CPA6: variants seen among roughly 807,000 people sequenced by gnomAD.
CPA6 encodes carboxypeptidase A6.
Under a neutral mutation model 63.3 loss-of-function variants are expected in CPA6, and 58 were observed. That is an observed-to-expected ratio of 0.92 (90% CI 0.74 to 1.14). The LOEUF (loss-of-function observed/expected upper bound fraction) is 1.14. Ranked by LOEUF, CPA6 falls within the 50% of genes most tolerant of loss-of-function variation. CPA6 has a pLI of 0.00. For missense variants in CPA6, 565 were observed against 526.6 expected, an observed-to-expected ratio of 1.07 and a Z score of -0.71; for synonymous variants, 185 against 179.0, an observed-to-expected ratio of 1.03 and a Z score of -0.27.
intron 2 of CPA6, among the ~76,000 whole-genome samples, chr8:67,621,664 T>C (rs1253674777): frequency 6.6e-6 from 1 of 152,210 alleles, no homozygotes; most frequent in African/African-American, 2.4e-5. Flanking sequence ...CATGTAGCAT[T>C]GTGGCTGAGA....
chr8:67,647,602 TC>T (rs1012309511), intron 1 of CPA6, among the ~76,000 whole-genome samples: 2 of 152,178 alleles, frequency 1.3e-5, no homozygotes, highest in African/African-American at 4.8e-5. Context: ...CTTCCCTGAC[TC>T]CTGTCTCTCA....
intron 1 of CPA6, among the ~76,000 whole-genome samples, chr8:67,726,755 G>A (rs931873045): frequency 6.6e-6 from 1 of 152,198 alleles, no homozygotes; most frequent in African/African-American, 2.4e-5. Context: ...TAAGCCGAAA[G>A]GCCTCGAGCA....
At chr8:67,472,392 T>C (rs1364951497) in intron 8 of CPA6, among the ~76,000 whole-genome samples, 2 of 132,436 alleles carry the variant, frequency 1.5e-5, no homozygotes, top group Non-Finnish European at 3.1e-5. Flanking sequence ...TTTATTTTAT[T>C]TTATTTTATT....
At chr8:67,500,386 G>A (rs1487663836) in intron 6 of CPA6, among the ~76,000 whole-genome samples, 1 of 151,908 alleles carries the variant, frequency 6.6e-6, no homozygotes, top group African/African-American at 2.4e-5. Flanking sequence ...TCATTGGATT[G>A]CTTGCTTTTT....
In CPA6 at chr8:67,444,116, G is replaced by C. The variant is rs558119401; in HGVS notation, c.839-9876C>G. Among the ~76,000 whole-genome samples the C allele has an allele frequency of 7.3e-4, 111 of 151,108 alleles. 1 individual carries two copies. Among genetic ancestry groups the C allele is most frequent in the Non-Finnish European group, 5.2e-4 (35 of 67,820 alleles). ...ACGCCATTCTCCTGCCTCAGCCTCC[G>C]GAGTAGCTGGGATTACAGGCACCCG... On this transcript the variant is annotated intron_variant, in intron 8 of 10. Coordinates refer to ENST00000297770, the MANE Select transcript of CPA6 (RefSeq NM_020361.5).
intron 2 of CPA6, among the ~76,000 whole-genome samples, chr8:67,521,820 G>T (rs1314478272): frequency 2.0e-5 from 3 of 152,202 alleles, no homozygotes; most frequent in African/African-American, 7.2e-5. Flanking sequence ...TAGTGGTGAT[G>T]AATTCCATGG....
At chr8:67,567,512 T>C (rs1415321103) in intron 2 of CPA6, among the ~76,000 whole-genome samples, 1 of 152,226 alleles carries the variant, frequency 6.6e-6, no homozygotes, top group Non-Finnish European at 1.5e-5. Flanking sequence ...GTAATGCTTT[T>C]TGTCTGGAGG....
chr8:67,478,945 C>T (rs1475297037), intron 8 of CPA6, among the ~76,000 whole-genome samples: 3 of 152,126 alleles, frequency 2.0e-5, no homozygotes, highest in African/African-American at 4.8e-5. Flanking sequence ...CGCTTGAACC[C>T]GGGAGGCAGA....
chr8:67,584,495 C>T (rs190674145), intron 2 of CPA6, among the ~76,000 whole-genome samples: 5 of 152,184 alleles, frequency 3.3e-5, no homozygotes, highest in South Asian at 4.2e-4. Context: ...GCTGACTTGA[C>T]GGAGAATGTT....
At chr8:67,507,175 T>C (rs1260780083) in intron 5 of CPA6, among the ~76,000 whole-genome samples, 2 of 152,030 alleles carry the variant, frequency 1.3e-5, no homozygotes, top group African/African-American at 4.8e-5. Context: ...TTTAATTAAT[T>C]AATTAATTTT....
chr8:67,548,956 A>G (rs893442741), intron 2 of CPA6, among the ~76,000 whole-genome samples: 8 of 152,216 alleles, frequency 5.3e-5, no homozygotes, highest in Admixed American at 3.9e-4. Context: ...GTGGGGTCCA[A>G]AGGACACAGT....
chr8:67,603,424 T>TTA (rs1814546662), intron 2 of CPA6, among the ~76,000 whole-genome samples: 1 of 152,300 alleles, frequency 6.6e-6, no homozygotes, highest in East Asian at 1.9e-4. Flanking sequence ...CTGTACTTTA[T>TTA]TATATTTCTT....
At chr8:67,706,755 G>C (rs1817143795) in intron 1 of CPA6, among the ~76,000 whole-genome samples, 1 of 152,042 alleles carries the variant, frequency 6.6e-6, no homozygotes, top group Non-Finnish European at 1.5e-5. Context: ...AAATTGTAAA[G>C]GGTTATAAAA....
intron 2 of CPA6, among the ~76,000 whole-genome samples, chr8:67,539,553 G>A (rs538692726): frequency 1.3e-5 from 2 of 152,282 alleles, no homozygotes; most frequent in East Asian, 3.9e-4. Context: ...ATCTTGCTAG[G>A]TTGGGGAAGT....
intron 1 of CPA6, among the ~76,000 whole-genome samples, chr8:67,692,516 T>A (rs1816834215): frequency 1.3e-5 from 2 of 152,228 alleles, no homozygotes; most frequent in African/African-American, 4.8e-5. Context: ...TAAAATGTTT[T>A]AATGATCAAT....
chr8:67,661,739 A>T (rs1816114340), intron 1 of CPA6, among the ~76,000 whole-genome samples: 1 of 152,186 alleles, frequency 6.6e-6, no homozygotes, highest in Non-Finnish European at 1.5e-5. Flanking sequence ...GCAAGCAGGG[A>T]TAGAGAGAAT....
intron 1 of CPA6, among the ~76,000 whole-genome samples, chr8:67,706,596 T>C (rs1817140714): frequency 6.6e-6 from 1 of 152,164 alleles, no homozygotes; most frequent in Non-Finnish European, 1.5e-5. Flanking sequence ...GAAAAATTAA[T>C]TTGTAAAACA....
chr8:67,430,167 G>GTA (rs1429277583), intron 9 of CPA6, among the ~76,000 whole-genome samples: 24 of 122,016 alleles, frequency 2.0e-4, no homozygotes, highest in African/African-American at 9.7e-4. Flanking sequence ...GTGTGTGTGT[G>GTA]TGTGTATATA....
intron 1 of CPA6, among the ~76,000 whole-genome samples, chr8:67,703,796 T>C (rs1461935861): frequency 6.6e-6 from 1 of 152,246 alleles, no homozygotes; most frequent in African/African-American, 2.4e-5. Flanking sequence ...CAGCTCCTTA[T>C]GACTTTCCAT....
Sources: allele counts gnomAD v4.1 joint callset (sites outside exome capture counted in the v4.1 genomes callset), GRCh38; gene constraint gnomAD v4.1.1; transcripts MANE v1.5; gene names NCBI Gene and HGNC (gene_info 2026-07-23, HGNC 2026-07-21).